Variants in PROX2 observed in about 807,000 individuals in gnomAD.
PROX2 encodes the protein prospero homeobox protein 2.
Under a neutral mutation model 48.9 loss-of-function variants are expected in PROX2, and 46 were observed. The observed-to-expected ratio is 0.94, with a 90% CI of 0.74 to 1.20. The LOEUF is 1.20. Ranked by LOEUF, PROX2 falls within the 50% of genes most tolerant of loss-of-function variation. The probability of loss-of-function intolerance (pLI) is 0.00; values close to 1 mark genes in which losing one functional copy is unlikely to be tolerated. For synonymous variants in PROX2, 260 were observed against 276.6 expected (o/e 0.94, Z 0.60); for missense variants, 663 against 719.4 (o/e 0.92, Z 0.90).
At chr14:74,875,440 C>G (rs79890471) in intron 1 of PROX2, among the ~76,000 whole-genome samples, 4,413 of 152,278 alleles carry the variant, frequency 0.029, 152 homozygotes, top group African/African-American at 0.077. Flanking sequence ...GAAAACACCC[C>G]TGGACATCAG....
intron 3 of PROX2, 29 bp downstream of exon 3, chr14:74,862,498 CAAT>C: frequency 6.3e-7 from 1 of 1,584,120 alleles, no homozygotes; most frequent in Non-Finnish European, 8.6e-7. Context: ...ACCTGGCCAA[CAAT>C]GAGAACTTCA....
chr14:74,863,413 T>C lies in PROX2; in HGVS notation c.422A>G (p.Gln141Arg). 1 of 1,613,542 alleles carries C rather than the reference T, an allele frequency of 6.2e-7. No individual in the cohort carries two copies. The highest frequency in any genetic ancestry group is 2.2e-5 in the East Asian group (1 of 44,890). ...RVREQLHLLK[Q>R]QLRHLQEHIL... The stretch of plus-strand genomic sequence containing the variant: ...GTGCTCTTGCAGATGTCTTAGCTGT[T>C]GCTTCAGCAGATGAAGTTGTTCTCT... Residue 141 changes from glutamine to arginine, a missense_variant, in exon 3 of 6, where the codon CAA (glutamine) becomes CGA (arginine). Transcript: ENST00000556489.
chr14:74,874,633 G>A (rs959814714), intron 1 of PROX2, among the ~76,000 whole-genome samples: 2 of 152,032 alleles, frequency 1.3e-5, no homozygotes, highest in African/African-American at 2.4e-5. Flanking sequence ...CAAAACAAAA[G>A]TAGTTTAAAA....
intron 1 of PROX2, chr14:74,873,893 A>G (rs1594865498): frequency 2.2e-6 from 1 of 454,974 alleles, no homozygotes; most frequent in East Asian, 6.1e-5. Context: ...TGGGAACTGC[A>G]GTGTGAGGAG....
At position 74,862,852 on chromosome 14, in the gene PROX2, G is replaced by C; in HGVS notation, c.983C>G (p.Pro328Arg). 1 of 1,613,958 alleles carries C rather than the reference G, an allele frequency of 6.2e-7. No individual in the cohort carries two copies. The highest frequency in any genetic ancestry group is 8.5e-7 in the Non-Finnish European group (1 of 1,179,868). ...PRMTPKPCQD[P>R]PANFPLTAPS... is the part of the protein sequence containing the mutation. ...TGCAGTCAAGGGAAAGTTTGCTGGG[G>C]GATCCTGACAGGGTTTGGGGGTCAT... The change falls in exon 3 of 6, where the codon CCC (proline) becomes CGC (arginine). Residue 328 changes from proline to arginine, a missense_variant. Transcript: ENST00000556489.
chr14:74,853,209 A>G lies in PROX2; in HGVS notation c.*1923T>C, dbSNP rs1337502245. 1 of 152,166 alleles carries G rather than the reference A, an allele frequency of 6.6e-6. No homozygotes were observed. The highest frequency in any genetic ancestry group is 2.4e-5 in the African/African-American group (1 of 41,420). 9.4% of individuals were successfully genotyped at this position (152,166 alleles called of 1,614,324 possible). A position where few individuals can be genotyped will look rare whatever the true frequency, so the allele number is the denominator to read the frequency against. Reference sequence around the variant, plus strand: ...GACTTGGCTCAGTCTTTAAACACACACTAATGAATTTCAGGTTTGGGACAG... The same window carrying G: ...GACTTGGCTCAGTCTTTAAACACACGCTAATGAATTTCAGGTTTGGGACAG... On this transcript the variant is annotated 3_prime_UTR_variant, in exon 6 of 6. Transcript: ENST00000556489.
chr14:74,864,298 AGCC>A (rs1489429599), intron 2 of PROX2, among the ~76,000 whole-genome samples: 1 of 152,180 alleles, frequency 6.6e-6, no homozygotes, highest in Non-Finnish European at 1.5e-5. Context: ...TCGTAGTGGC[AGCC>A]GCCTGAACAA....
At chr14:74,862,458 C>A in intron 3 of PROX2, 72 bp downstream of exon 3, 3 of 1,530,662 alleles carry the variant, frequency 2.0e-6, no homozygotes, top group Non-Finnish European at 2.6e-6. Flanking sequence ...CCTCCCAAAG[C>A]ACTGGGATTA....
Position 74,863,869 on chromosome 14 carries a change from C to T in PROX2, c.-35G>A, listed in dbSNP as rs752635550. On this transcript the variant is annotated 5_prime_UTR_variant, in exon 3 of 6. Coordinates refer to ENST00000556489, the MANE Select transcript of PROX2 (RefSeq NM_001243007.2). ...TTGTTCAGGGCTTCAGGAATTCCTCCTCCTTATTTCCTCAGCTGGAAGTGC... is the reference window on the plus strand; with the variant it reads ...TTGTTCAGGGCTTCAGGAATTCCTCTTCCTTATTTCCTCAGCTGGAAGTGC... 60 of 1,452,330 alleles carry T rather than the reference C, an allele frequency of 4.1e-5. No homozygotes were observed. Among genetic ancestry groups the T allele is most frequent in the Non-Finnish European group, 5.0e-5 (56 of 1,110,202 alleles). 90.0% of individuals were successfully genotyped at this position (1,452,330 alleles called of 1,614,324 possible).
chr14:74,875,576 C>T (rs765893834), intron 1 of PROX2, among the ~76,000 whole-genome samples: 10 of 152,212 alleles, frequency 6.6e-5, no homozygotes, highest in African/African-American at 9.6e-5. Flanking sequence ...AGATGATAAT[C>T]ATCCCTTCAC....
intron 2 of PROX2, among the ~76,000 whole-genome samples, chr14:74,870,107 G>A (rs1883173511): frequency 6.6e-6 from 1 of 152,040 alleles, no homozygotes; most frequent in Non-Finnish European, 1.5e-5. Context: ...GGGGGGGTAA[G>A]AGAAAATTAG....
intron 1 of PROX2, among the ~76,000 whole-genome samples, chr14:74,872,753 C>T (rs1410060876): frequency 1.3e-5 from 2 of 152,190 alleles, no homozygotes; most frequent in Admixed American, 6.5e-5. Context: ...TGCTACAGGT[C>T]GGAGGCCACC....
At chr14:74,856,563 G>T in intron 5 of PROX2, 1 of 534,200 alleles carries the variant, frequency 1.9e-6, no homozygotes, top group Non-Finnish European at 3.3e-6. Context: ...GTAACACCTG[G>T]CAGCCCTCTC....
chr14:74,863,025 C>T lies in PROX2; in HGVS notation c.810G>A (p.Glu270=), dbSNP rs1338361296. Residue 270 remains glutamate (E), a synonymous_variant, in exon 3 of 6, where the codon GAG becomes GAA. Transcript: ENST00000556489. ...AGGCCCCTCCCACAGGAGGTGAGGG[C>T]TCGCTTCTACCCTCTGCCACCTGCC... ...FQGQVAEGRS[E]PSPPVGGACK... 6 of 1,613,956 alleles carry T rather than the reference C, an allele frequency of 3.7e-6. No homozygotes were observed. Among genetic ancestry groups the T allele is most frequent in the Admixed American group, 1.7e-5 (1 of 60,028 alleles).
intron 5 of PROX2, 158 bp from the exon 6 acceptor site, chr14:74,855,460 GC>G: frequency 4.5e-6 from 2 of 446,332 alleles, no homozygotes; most frequent in Non-Finnish European, 7.7e-6. Context: ...GGACTCCTCT[GC>G]TTCCTCATCA....
chr14:74,855,118 T>G lies in PROX2; in HGVS notation c.*14A>C. 6.6e-7 allele frequency: 1 copy of G among 1,521,466 alleles called. No individual in the cohort carries two copies. The highest frequency in any genetic ancestry group is 8.9e-7 in the Non-Finnish European group (1 of 1,121,820). 94.2% of individuals were successfully genotyped at this position (1,521,466 alleles called of 1,614,324 possible). On this transcript the variant is annotated 3_prime_UTR_variant, in exon 6 of 6. Coordinates refer to ENST00000556489, the MANE Select transcript of PROX2 (RefSeq NM_001243007.2). ...AGTCACTCCTCACGTTGTGGGATCT[T>G]AACCCCGAAACAGCTACTGGGGATA...
At position 74,858,467 on chromosome 14, in the gene PROX2, CATT is replaced by C; in HGVS notation, c.1350_1352del (p.Met451del). On this transcript the variant is annotated inframe_deletion, in exon 4 of 6. Transcript: ENST00000556489. ...AGCTGGGATATCGTGTGAAGAAAAACATTAGTTTGGCCTTCTTCAAGTGACCAG... is the reference window on the plus strand; with the variant it reads ...AGCTGGGATATCGTGTGAAGAAAAACAGTTTGGCCTTCTTCAAGTGACCAG... 1 of 1,587,012 alleles carries C rather than the reference CATT, an allele frequency of 6.3e-7. No individual in the cohort carries two copies. Among genetic ancestry groups the C allele is most frequent in the Non-Finnish European group, 8.6e-7 (1 of 1,165,518 alleles).
intron 3 of PROX2, chr14:74,859,260 A>G (rs912896526): frequency 6.6e-6 from 1 of 152,248 alleles, no homozygotes; most frequent in Non-Finnish European, 1.5e-5. Flanking sequence ...ACCCTGGGCT[A>G]TGAAGACTCT....
intron 1 of PROX2, among the ~76,000 whole-genome samples, 145 bp downstream of exon 1, chr14:74,875,750 T>C (rs1883328207): frequency 6.6e-6 from 1 of 152,220 alleles, no homozygotes; most frequent in African/African-American, 2.4e-5. Context: ...ATATGAACAA[T>C]TGTTAAATCT....
Sources: gnomAD v4.1 joint callset for allele counts (sites outside exome capture counted in the v4.1 genomes callset) on GRCh38, gnomAD v4.1.1 for gene constraint, MANE v1.5 for transcripts, NCBI Gene and HGNC (gene_info 2026-07-23, HGNC 2026-07-21) for gene names.